ENOX1: variants seen among roughly 807,000 people sequenced by gnomAD.
ENOX1 encodes the protein candidate growth-related and time keeping constitutive hydroquinone (NADH) oxidase.
ENOX1 carries 42 observed loss-of-function variants against 82.5 expected under a neutral mutation model. The ratio of observed to expected loss-of-function variants is 0.51; its 90% CI spans 0.40 to 0.66. The LOEUF (loss-of-function observed/expected upper bound fraction) is 0.66, where lower values mean the gene tolerates loss of function less well. Among genes scored for constraint, ENOX1 ranks in the 30% least tolerant of loss-of-function variants. ENOX1 has a pLI of 0.00. For synonymous variants in ENOX1, 271 were observed against 282.2 expected (o/e 0.96, Z 0.40); for missense variants, 608 against 811.6 (o/e 0.75, Z 3.05).
At chr13:43,762,053 T>A (rs558574202) in intron 1 of ENOX1, among the ~76,000 whole-genome samples, 48 of 152,246 alleles carry the variant, frequency 3.2e-4, no homozygotes, top group African/African-American at 1.1e-3. Flanking sequence ...CTGAGATGGA[T>A]AGGGCTGCTG....
At chr13:43,697,153 G>A (rs1392727453) in intron 1 of ENOX1, among the ~76,000 whole-genome samples, 1 of 152,196 alleles carries the variant, frequency 6.6e-6, no homozygotes, top group African/African-American at 2.4e-5. Context: ...ACTAGTAGGA[G>A]CGGGAAGGAA....
rs143410954 is a variant in ENOX1 at position 43,320,247 on chromosome 13, G to A, written c.1261+2137C>T. Among the ~76,000 whole-genome samples, 1,510 of 152,276 alleles carry A rather than the reference G, an allele frequency of 9.9e-3. 22 individuals are homozygous for A. The highest frequency in any genetic ancestry group is 0.035 in the African/African-American group (1,448 of 41,562). On this transcript the variant is annotated intron_variant, in intron 11 of 16. Coordinates refer to ENST00000690772, the MANE Select transcript of ENOX1 (RefSeq NM_001347969.2). Reference sequence around the variant, plus strand: ...CATGCCACATTCTCTGGTCCATCTCGTTTTGAAAAGCACGAAAAGACTTTG... The same window carrying A: ...CATGCCACATTCTCTGGTCCATCTCATTTTGAAAAGCACGAAAAGACTTTG...
intron 11 of ENOX1, among the ~76,000 whole-genome samples, chr13:43,314,388 C>T (rs2047367146): frequency 6.6e-6 from 1 of 152,164 alleles, no homozygotes; most frequent in South Asian, 2.1e-4. Context: ...TCTTAACTAC[C>T]TACGGTTACT....
At chr13:43,619,930 T>C (rs1172890198) in intron 2 of ENOX1, among the ~76,000 whole-genome samples, 3 of 152,168 alleles carry the variant, frequency 2.0e-5, no homozygotes, top group Non-Finnish European at 2.9e-5. Context: ...TGAATCTCAC[T>C]GCTTGCTATT....
intron 1 of ENOX1, among the ~76,000 whole-genome samples, chr13:43,719,647 C>T (rs963344702): frequency 6.6e-6 from 1 of 152,118 alleles, no homozygotes; most frequent in Non-Finnish European, 1.5e-5. Context: ...GAACTAACCA[C>T]CAGAGAACCC....
At chr13:43,415,812 TCCTCACTTCCCAGACGGGGTGGCC>T (rs2153601552) in intron 3 of ENOX1, among the ~76,000 whole-genome samples, 1 of 151,842 alleles carries the variant, frequency 6.6e-6, no homozygotes, top group South Asian at 2.1e-4. Context: ...GCAGAAGCGC[TCCTCACTTCCCAGACGGGGTGGCC>T]GGGCAGAGAC....
chr13:43,561,524 T>C (rs1188791338), intron 2 of ENOX1, among the ~76,000 whole-genome samples: 1 of 152,206 alleles, frequency 6.6e-6, no homozygotes, highest in Non-Finnish European at 1.5e-5. Flanking sequence ...TGTAAAGTAG[T>C]GCCTGGGATA....
intron 2 of ENOX1, among the ~76,000 whole-genome samples, chr13:43,614,342 C>G (rs896878353): frequency 6.6e-6 from 1 of 152,180 alleles, no homozygotes; most frequent in Non-Finnish European, 1.5e-5. Context: ...GTTGTCACTA[C>G]ACACAGCATG....
At chr13:43,272,823 C>T (rs1180546552) in intron 12 of ENOX1, among the ~76,000 whole-genome samples, 4 of 152,144 alleles carry the variant, frequency 2.6e-5, no homozygotes, top group Admixed American at 2.6e-4. Context: ...GGGATGAAAA[C>T]CACTGTATCC....
At chr13:43,512,586 TTTTAGAAAGC>T (rs1480461780) in intron 2 of ENOX1, among the ~76,000 whole-genome samples, 3 of 151,686 alleles carry the variant, frequency 2.0e-5, no homozygotes, top group African/African-American at 7.3e-5. Flanking sequence ...AGAAGTACAT[TTTTAGAAAGC>T]TTCCAAAACC....
At chr13:43,341,660 T>C (rs2049069688) in intron 9 of ENOX1, among the ~76,000 whole-genome samples, 1 of 152,166 alleles carries the variant, frequency 6.6e-6, no homozygotes, top group Non-Finnish European at 1.5e-5. Context: ...ACCTGATTTG[T>C]ATCAGATGGA....
chr13:43,769,864 T>G (rs766753053), intron 1 of ENOX1, among the ~76,000 whole-genome samples: 6 of 152,208 alleles, frequency 3.9e-5, no homozygotes, highest in Non-Finnish European at 8.8e-5. Context: ...TTCAGAGACT[T>G]AAAAACAAAA....
intron 11 of ENOX1, among the ~76,000 whole-genome samples, chr13:43,315,530 C>CA (rs996584340): frequency 6.2e-4 from 94 of 152,174 alleles, no homozygotes; most frequent in African/African-American, 2.1e-3. Flanking sequence ...TAAACTCCTT[C>CA]AAAAAATATC....
At chr13:43,333,967 C>T (rs943179779) in intron 9 of ENOX1, among the ~76,000 whole-genome samples, 2 of 152,242 alleles carry the variant, frequency 1.3e-5, no homozygotes, top group African/African-American at 4.8e-5. Context: ...CTGGGCTAGG[C>T]ACTATGCTTG....
intron 11 of ENOX1, among the ~76,000 whole-genome samples, chr13:43,306,802 C>T (rs941995450): frequency 6.9e-6 from 1 of 144,810 alleles, no homozygotes; most frequent in Non-Finnish European, 1.5e-5. Context: ...TATTTCCCCT[C>T]TCCTGCTCTA....
At chr13:43,683,571 A>G (rs1357987594) in intron 1 of ENOX1, among the ~76,000 whole-genome samples, 1 of 152,030 alleles carries the variant, frequency 6.6e-6, no homozygotes, top group Non-Finnish European at 1.5e-5. Flanking sequence ...ACAGCCACAG[A>G]TCCACCTCCA....
intron 8 of ENOX1, among the ~76,000 whole-genome samples, chr13:43,347,873 T>C (rs1276379550): frequency 6.6e-6 from 1 of 152,216 alleles, no homozygotes; most frequent in Non-Finnish European, 1.5e-5. Flanking sequence ...ACTATAAGAA[T>C]TGAGAACGAT....
At chr13:43,472,010 C>CA (rs201728922) in intron 3 of ENOX1, among the ~76,000 whole-genome samples, 34 of 145,324 alleles carry the variant, frequency 2.3e-4, no homozygotes, top group African/African-American at 6.1e-4. Flanking sequence ...AAGACTTTCA[C>CA]AAAAAAAAAG....
At chr13:43,556,555 C>T (rs1205265555) in intron 2 of ENOX1, among the ~76,000 whole-genome samples, 2 of 152,070 alleles carry the variant, frequency 1.3e-5, no homozygotes, top group East Asian at 3.9e-4. Flanking sequence ...TTAGATAGGT[C>T]ATAACTGGCA....
Sources: gnomAD v4.1 joint callset for allele counts (sites outside exome capture counted in the v4.1 genomes callset) on GRCh38, gnomAD v4.1.1 for gene constraint, MANE v1.5 for transcripts, NCBI Gene and HGNC (gene_info 2026-07-23, HGNC 2026-07-21) for gene names.